Variants in PDE11A observed in about 807,000 individuals in gnomAD.
PDE11A encodes dual 3',5'-cyclic-AMP and -GMP phosphodiesterase 11A.
PDE11A carries 100 observed loss-of-function variants against 100.5 expected under a neutral mutation model. That is an observed-to-expected ratio of 1.00 (90% CI 0.85 to 1.18). PDE11A has a LOEUF of 1.18. Among genes scored for constraint, PDE11A ranks in the 50% most tolerant of loss-of-function variants. The pLI is 0.00. For missense variants in PDE11A, 1,141 were observed against 1,152.6 expected (o/e 0.99, Z 0.15); for synonymous variants, 381 against 420.8 (o/e 0.91, Z 1.16).
At chr2:177,700,268 G>C (rs1574057779) in intron 14 of PDE11A, among the ~76,000 whole-genome samples, 1 of 152,038 alleles carries the variant, frequency 6.6e-6, no homozygotes, top group African/African-American at 2.4e-5. Context: ...AGATAGGCTG[G>C]AGGTAAAAAA....
intron 2 of PDE11A, among the ~76,000 whole-genome samples, chr2:177,918,956 G>A (rs573584053): frequency 6.6e-6 from 1 of 152,088 alleles, no homozygotes; most frequent in African/African-American, 2.4e-5. Flanking sequence ...TCCAGAGAAG[G>A]AGACTCTCAA....
intron 3 of PDE11A, among the ~76,000 whole-genome samples, chr2:177,904,537 T>C (rs1248253554): frequency 2.6e-5 from 4 of 151,150 alleles, no homozygotes; most frequent in African/African-American, 4.9e-5. Flanking sequence ...CCTTATAGTA[T>C]AGATGTGATA....
At chr2:177,788,580 A>G (rs1385720715) in intron 9 of PDE11A, among the ~76,000 whole-genome samples, 1 of 151,942 alleles carries the variant, frequency 6.6e-6, no homozygotes, top group Non-Finnish European at 1.5e-5. Flanking sequence ...AAACCCTTCA[A>G]AAAATTAATG....
chr2:177,834,593 G>A (rs2105611031), intron 6 of PDE11A, among the ~76,000 whole-genome samples: 1 of 152,280 alleles, frequency 6.6e-6, no homozygotes, highest in Non-Finnish European at 1.5e-5. Flanking sequence ...TGGCTAGCTG[G>A]CCAGTGTTCC....
At chr2:177,721,539 T>C (rs1432994592) in intron 12 of PDE11A, among the ~76,000 whole-genome samples, 1 of 152,152 alleles carries the variant, frequency 6.6e-6, no homozygotes, top group Non-Finnish European at 1.5e-5. Context: ...ATAGCACATA[T>C]AATGCATTTT....
At chr2:177,660,084 TTTC>T (rs2080457193) in intron 19 of PDE11A, among the ~76,000 whole-genome samples, 1 of 36,852 alleles carries the variant, frequency 2.7e-5, no homozygotes, top group Non-Finnish European at 5.9e-5. Flanking sequence ...TCTTTCTTTC[TTTC>T]TTTCTTTCTT....
intron 2 of PDE11A, among the ~76,000 whole-genome samples, chr2:177,990,530 G>T (rs924387940): frequency 1.4e-4 from 21 of 151,648 alleles, no homozygotes; most frequent in African/African-American, 5.1e-4. Flanking sequence ...ACAAGGTCAG[G>T]AATTCAAGAC....
At chr2:178,101,428 T>G (rs1201773047) in intron 2 of PDE11A, among the ~76,000 whole-genome samples, 1 of 152,174 alleles carries the variant, frequency 6.6e-6, no homozygotes, top group Non-Finnish European at 1.5e-5. Flanking sequence ...CAACCAGAGT[T>G]CCAGTTGAAA....
At chr2:177,931,916 A>G (rs2085211877) in intron 2 of PDE11A, among the ~76,000 whole-genome samples, 1 of 150,968 alleles carries the variant, frequency 6.6e-6, no homozygotes, top group Non-Finnish European at 1.5e-5. Context: ...ATTAACAAAA[A>G]AAAAAAAAAA....
At chr2:177,814,460 T>C (rs539122141) in intron 9 of PDE11A, among the ~76,000 whole-genome samples, 1 of 152,196 alleles carries the variant, frequency 6.6e-6, no homozygotes, top group South Asian at 2.1e-4. Context: ...TGCCACCTGA[T>C]CACTAGTGTC....
chr2:177,866,418 C>G (rs7588304), intron 5 of PDE11A, among the ~76,000 whole-genome samples: 6,523 of 152,320 alleles, frequency 0.043, 202 homozygotes, highest in Middle Eastern at 0.12. Context: ...TTTATATTCA[C>G]TCCTTACTTG....
At chr2:177,693,038 GT>G (rs1285175031) in intron 15 of PDE11A, among the ~76,000 whole-genome samples, 1 of 152,074 alleles carries the variant, frequency 6.6e-6, no homozygotes, top group Non-Finnish European at 1.5e-5. Flanking sequence ...TTCCTTTTTG[GT>G]TTCTTCAACT....
chr2:177,843,929 G>A (rs1399792597), intron 5 of PDE11A, among the ~76,000 whole-genome samples: 1 of 152,186 alleles, frequency 6.6e-6, no homozygotes, highest in African/African-American at 2.4e-5. Context: ...ATCTAGCTAA[G>A]GCTTCAGAGA....
intron 15 of PDE11A, among the ~76,000 whole-genome samples, chr2:177,686,401 T>C (rs972646531): frequency 6.6e-6 from 1 of 152,060 alleles, no homozygotes; most frequent in Non-Finnish European, 1.5e-5. Flanking sequence ...ATTCCGTCTC[T>C]AGAAAAAATA....
chr2:177,794,908 C>T (rs751136173), intron 9 of PDE11A, among the ~76,000 whole-genome samples: 22 of 152,134 alleles, frequency 1.4e-4, no homozygotes, highest in Non-Finnish European at 3.1e-4. Flanking sequence ...GCCTCAATCT[C>T]CCAAGTAGCT....
At chr2:177,942,107 G>A (rs887297931) in intron 2 of PDE11A, among the ~76,000 whole-genome samples, 1 of 152,160 alleles carries the variant, frequency 6.6e-6, no homozygotes, top group Non-Finnish European at 1.5e-5. Flanking sequence ...ATCTACATTA[G>A]CCTTGTAATA....
intron 13 of PDE11A, among the ~76,000 whole-genome samples, chr2:177,709,247 C>A (rs2081323936): frequency 1.3e-5 from 2 of 152,176 alleles, no homozygotes; most frequent in Admixed American, 6.5e-5. Flanking sequence ...AGGGGAGTGA[C>A]CTGGTCAGCT....
At chr2:177,661,254 A>G (rs141867584) in intron 19 of PDE11A, among the ~76,000 whole-genome samples, 2 of 152,264 alleles carry the variant, frequency 1.3e-5, no homozygotes, top group African/African-American at 2.4e-5. Flanking sequence ...TTTCAGACCA[A>G]TCACATCAGG....
chr2:177,787,219 G>A (rs2105527796), intron 9 of PDE11A, among the ~76,000 whole-genome samples: 1 of 148,432 alleles, frequency 6.7e-6, no homozygotes, highest in Non-Finnish European at 1.5e-5. Flanking sequence ...CCAGAAGAGA[G>A]TGGGGGCCAA....
Sources: allele counts gnomAD v4.1 joint callset (sites outside exome capture counted in the v4.1 genomes callset), GRCh38; gene constraint gnomAD v4.1.1; transcripts MANE v1.5; gene names NCBI Gene and HGNC (gene_info 2026-07-23, HGNC 2026-07-21).